Variants in MACO1 observed in about 807,000 individuals in gnomAD.
MACO1 encodes macoilin 1, also known as macoilin.
Under a neutral mutation model 78.7 loss-of-function variants are expected in MACO1, and 14 were observed. The observed-to-expected ratio is 0.18, with a 90% CI of 0.12 to 0.28. MACO1 has a LOEUF of 0.28. Among genes scored for constraint, MACO1 ranks in the 10% least tolerant of loss-of-function variants. MACO1 has a pLI of 1.00. For missense variants in MACO1, 501 were observed against 799.0 expected, an observed-to-expected ratio of 0.63 and a Z score of 4.50; for synonymous variants, 288 against 291.6, an observed-to-expected ratio of 0.99 and a Z score of 0.12.
Position 25,431,186 on chromosome 1 carries a change from GCTGCACCCCCACTCCGCGGGCGCGGGCC to G in MACO1, c.80+13_80+40del. On this transcript the variant is annotated intron_variant, in intron 1 of 10. Coordinates refer to ENST00000374343, the MANE Select transcript of MACO1 (RefSeq NM_018202.6). ...CGAGGGCATTTACGGCAGGTGAGCG[GCTGCACCCCCACTCCGCGGGCGCGGGCC>G]CTGCGGTCCCCCTCCAGCTCCGAGG... 1 of 1,587,378 alleles carries G rather than the reference GCTGCACCCCCACTCCGCGGGCGCGGGCC, an allele frequency of 6.3e-7. No individual in the cohort carries two copies. The highest frequency in any genetic ancestry group is 8.5e-7 in the Non-Finnish European group (1 of 1,170,428).
Position 25,448,915 on chromosome 1 carries a change from T to C in MACO1, c.330T>C (p.Val110=). Residue 110 remains valine (V), a synonymous_variant, in exon 3 of 11, where the codon GTT becomes GTC. Transcript: ENST00000374343. ...TTGCTGCTAGCACATATGTATGGGTTCAGTACGTATGGCACACAGGTAAGT... is the reference window on the plus strand; with the variant it reads ...TTGCTGCTAGCACATATGTATGGGTCCAGTACGTATGGCACACAGGTAAGT... The part of the protein sequence containing the change: ...LFFAASTYVW[V]QYVWHTERGV... 2 of 1,507,176 alleles carry C rather than the reference T, an allele frequency of 1.3e-6. No individual in the cohort carries two copies. The highest frequency in any genetic ancestry group is 1.8e-6 in the Non-Finnish European group (2 of 1,109,110). 93.4% of individuals were successfully genotyped at this position (1,507,176 alleles called of 1,614,324 possible). A position where few individuals can be genotyped will look rare whatever the true frequency, so the allele number is the denominator to read the frequency against.
chr1:25,478,824 G>C (rs1325295909), intron 6 of MACO1, among the ~76,000 whole-genome samples: 1 of 152,226 alleles, frequency 6.6e-6, no homozygotes, highest in Non-Finnish European at 1.5e-5. Flanking sequence ...TGTCCAAAGT[G>C]GTGATGCCAC....
chr1:25,461,684 T>TA (rs1417234984), intron 6 of MACO1, among the ~76,000 whole-genome samples: 1 of 152,140 alleles, frequency 6.6e-6, no homozygotes, highest in Non-Finnish European at 1.5e-5. Context: ...TATAAAATCA[T>TA]ACTTTCAAGC....
At chr1:25,451,045 A>G (rs1017936249) in intron 3 of MACO1, among the ~76,000 whole-genome samples, 8 of 143,876 alleles carry the variant, frequency 5.6e-5, no homozygotes, top group South Asian at 4.1e-4. Context: ...ACAGGGCAGC[A>G]GTGTAGCTAA....
At chr1:25,448,336 T>C (rs764000775) in intron 2 of MACO1, among the ~76,000 whole-genome samples, 4 of 152,108 alleles carry the variant, frequency 2.6e-5, no homozygotes, top group Non-Finnish European at 5.9e-5. Flanking sequence ...TAGTGGCAAG[T>C]GCCTACAGTT....
intron 6 of MACO1, among the ~76,000 whole-genome samples, chr1:25,472,989 AATT>A (rs1320478809): frequency 6.6e-6 from 1 of 152,192 alleles, no homozygotes; most frequent in African/African-American, 2.4e-5. Flanking sequence ...GCTGCTGCTG[AATT>A]ATTTGGAAAT....
intron 3 of MACO1, among the ~76,000 whole-genome samples, chr1:25,453,390 A>G (rs968092501): frequency 2.0e-5 from 3 of 149,176 alleles, no homozygotes; most frequent in Admixed American, 6.6e-5. Flanking sequence ...TGGGCCGGGC[A>G]CGGTGGCTCA....
intron 2 of MACO1, among the ~76,000 whole-genome samples, chr1:25,447,955 C>T (rs573634629): frequency 2.6e-5 from 4 of 152,228 alleles, no homozygotes; most frequent in East Asian, 3.9e-4. Flanking sequence ...ATAGTTTCGG[C>T]TTATGTTCTA....
At chr1:25,447,632 G>A (rs1315674080) in intron 2 of MACO1, among the ~76,000 whole-genome samples, 1 of 152,172 alleles carries the variant, frequency 6.6e-6, no homozygotes, top group Non-Finnish European at 1.5e-5. Context: ...AAGTCAGTCT[G>A]TTACTGTATC....
At chr1:25,481,087 G>A (rs1018837990) in intron 6 of MACO1, among the ~76,000 whole-genome samples, 5 of 150,388 alleles carry the variant, frequency 3.3e-5, no homozygotes, top group African/African-American at 1.2e-4. Flanking sequence ...CTAAAATTTC[G>A]CTCAGAATAA....
At position 25,446,734 on chromosome 1, in the gene MACO1, A is replaced by G. The variant is rs761554530; in HGVS notation, c.81-28A>G. ...TCTAGTTATTCACAAATGACCTTAAATTAATTCTTTATTTTTATATTTTGC... is the reference window on the plus strand; with the variant it reads ...TCTAGTTATTCACAAATGACCTTAAGTTAATTCTTTATTTTTATATTTTGC... On this transcript the variant is annotated intron_variant, in intron 1 of 10. Coordinates refer to ENST00000374343, the MANE Select transcript of MACO1 (RefSeq NM_018202.6). The G allele has an allele frequency of 3.3e-5, 52 of 1,563,356 alleles. No individual in the cohort carries two copies. The Middle Eastern group carries it at 5.0e-4, about 15-fold the overall frequency.
chr1:25,491,347 C>A, intron 9 of MACO1, 63 bp from the exon 10 acceptor site: 2 of 1,593,748 alleles, frequency 1.3e-6, no homozygotes, highest in Non-Finnish European at 1.7e-6. Flanking sequence ...TGATTTCAGG[C>A]TAATTTATAG....
rs767425764 is a variant in MACO1 at position 25,431,140 on chromosome 1, C to G, written c.42C>G (p.Pro14=). The G allele has an allele frequency of 4.4e-6, 7 of 1,598,886 alleles. No individual in the cohort carries two copies. The highest frequency in any genetic ancestry group is 1.1e-5 in the South Asian group (1 of 89,510). The change falls in exon 1 of 11, where the codon CCC becomes CCG. Residue 14 remains proline (P), a synonymous_variant. Transcript: ENST00000374343. ...CCGACTGCAGTAAGCTCCGCCGCCC[C>G]CTAAAGCGGAACCGGATCACCGAGG... is the stretch of plus-strand genomic sequence containing the variant. The part of the protein sequence containing the change: ...RNADCSKLRR[P]LKRNRITEGI...
chr1:25,454,470 G>GTT, intron 4 of MACO1, 88 bp downstream of exon 4: 1 of 82,986 alleles, frequency 1.2e-5, no homozygotes, highest in Non-Finnish European at 2.2e-5. Context: ...GTGTGTGTGT[G>GTT]TATATATATA....
chr1:25,441,610 G>C (rs1237941929), intron 1 of MACO1, among the ~76,000 whole-genome samples: 2 of 152,192 alleles, frequency 1.3e-5, no homozygotes, highest in Non-Finnish European at 2.9e-5. Flanking sequence ...CTTTACATCC[G>C]AACAGTTAAT....
rs1250096335 is a variant in MACO1 at position 25,489,224 on chromosome 1, G to A, written c.1548G>A (p.Glu516=). ...ATCGGATCAGAGAACTAGAAGCAGA[G>A]GGCAAGAAGCTCACGATGGACATGA... ...LRNRIRELEA[E]GKKLTMDMKV... Residue 516 remains glutamate (E), a synonymous_variant, in exon 9 of 11, where the codon GAG becomes GAA. Transcript: ENST00000374343. The A allele has an allele frequency of 6.2e-7, 1 of 1,614,036 alleles. No homozygotes were observed. Among genetic ancestry groups the A allele is most frequent in the Admixed American group, 1.7e-5 (1 of 60,000 alleles).
At chr1:25,438,776 G>A (rs527477546) in intron 1 of MACO1, among the ~76,000 whole-genome samples, 23 of 152,250 alleles carry the variant, frequency 1.5e-4, no homozygotes, top group Middle Eastern at 3.4e-3. Flanking sequence ...GGTAGCATGC[G>A]CCTGTAATCC....
Position 25,491,558 on chromosome 1 carries a change from C to CA in MACO1, c.1769dup (p.Arg591AlafsTer63). 1 of 1,614,182 alleles carries CA rather than the reference C, an allele frequency of 6.2e-7. No individual in the cohort carries two copies. On this transcript the variant is annotated frameshift_variant, in exon 10 of 11. Transcript: ENST00000374343. LOFTEE classifies it high-confidence loss of function. ...GACCTGTTCTCCGCACTGGGCGATG[C>CA]AAAGCGGCAGCTCGAGATTGCCCAA...
chr1:25,466,083 G>C (rs2043217109), intron 6 of MACO1, among the ~76,000 whole-genome samples: 1 of 152,160 alleles, frequency 6.6e-6, no homozygotes, highest in Admixed American at 6.5e-5. Context: ...ACAAGTGCAG[G>C]TATATTTTTG....
Sources: gnomAD v4.1 joint callset for allele counts (sites outside exome capture counted in the v4.1 genomes callset) on GRCh38, gnomAD v4.1.1 for gene constraint, MANE v1.5 for transcripts, NCBI Gene and HGNC (gene_info 2026-07-23, HGNC 2026-07-21) for gene names.